Variants in IQCM observed in about 807,000 individuals in gnomAD.
IQCM encodes the protein IQ domain-containing protein M.
A neutral mutation model predicts 57.6 loss-of-function variants in IQCM; 45 were observed. That is an observed-to-expected ratio of 0.78 (90% CI 0.62 to 1.00). The LOEUF (loss-of-function observed/expected upper bound fraction) is 1.00. Among genes scored for constraint, IQCM ranks in the 50% least tolerant of loss-of-function variants. The pLI, the probability that IQCM is intolerant of heterozygous loss-of-function variation, is 0.00. For missense variants in IQCM, 468 were observed against 511.6 expected, an observed-to-expected ratio of 0.91 and a Z score of 0.82; for synonymous variants, 148 against 158.9, an observed-to-expected ratio of 0.93 and a Z score of 0.51.
At chr4:149,699,370 C>A (rs944445585) in intron 5 of IQCM, among the ~76,000 whole-genome samples, 1 of 151,872 alleles carries the variant, frequency 6.6e-6, no homozygotes, top group Non-Finnish European at 1.5e-5. Flanking sequence ...AAGTAAATAC[C>A]ATGGTCAGAA....
At chr4:149,373,422 C>T (rs1730497437) in intron 13 of IQCM, among the ~76,000 whole-genome samples, 1 of 152,158 alleles carries the variant, frequency 6.6e-6, no homozygotes, top group East Asian at 1.9e-4. Flanking sequence ...TCTCATTTAA[C>T]CTTGACACTA....
At chr4:149,544,953 CAG>C (rs1005254412) in intron 12 of IQCM, among the ~76,000 whole-genome samples, 5 of 152,064 alleles carry the variant, frequency 3.3e-5, no homozygotes, top group African/African-American at 1.2e-4. Flanking sequence ...TAGAAGAAAA[CAG>C]GGGAAAAACA....
intron 9 of IQCM, among the ~76,000 whole-genome samples, chr4:149,575,286 T>A (rs928879092): frequency 6.6e-6 from 1 of 151,828 alleles, no homozygotes; most frequent in Non-Finnish European, 1.5e-5. Flanking sequence ...TCAGCATGGG[T>A]GATATAGATT....
At chr4:149,759,915 C>T (rs1005569159) in intron 2 of IQCM, among the ~76,000 whole-genome samples, 5 of 151,312 alleles carry the variant, frequency 3.3e-5, no homozygotes, top group African/African-American at 9.7e-5. Context: ...GAATAGAAAA[C>T]AACTGCAAAA....
At chr4:149,454,193 C>T (rs573745022) in intron 12 of IQCM, among the ~76,000 whole-genome samples, 188 of 146,736 alleles carry the variant, frequency 1.3e-3, no homozygotes, top group African/African-American at 4.2e-3. Context: ...CACACACACA[C>T]ACATATAAAC....
chr4:149,661,234 T>A (rs1437559746), intron 7 of IQCM, among the ~76,000 whole-genome samples: 1 of 152,134 alleles, frequency 6.6e-6, no homozygotes, highest in Non-Finnish European at 1.5e-5. Context: ...TTTGTTTTCC[T>A]TTCTGTTAAT....
intron 12 of IQCM, among the ~76,000 whole-genome samples, chr4:149,513,766 G>C (rs892846508): frequency 6.6e-6 from 1 of 152,130 alleles, no homozygotes; most frequent in East Asian, 1.9e-4. Flanking sequence ...ATCAGTTAAG[G>C]TAAGTGGATT....
At chr4:149,508,207 G>A (rs747065940) in intron 12 of IQCM, among the ~76,000 whole-genome samples, 12 of 152,080 alleles carry the variant, frequency 7.9e-5, no homozygotes, top group Non-Finnish European at 1.5e-4. Flanking sequence ...AAGGAAATGT[G>A]GGGTCAGAGC....
chr4:149,810,953 G>T (rs1774515700), intron 2 of IQCM, among the ~76,000 whole-genome samples: 1 of 152,048 alleles, frequency 6.6e-6, no homozygotes, highest in Non-Finnish European at 1.5e-5. Context: ...AGTAGTAGGT[G>T]GTGCCTGAAC....
At chr4:149,442,257 A>G (rs558103294) in intron 12 of IQCM, among the ~76,000 whole-genome samples, 1 of 152,072 alleles carries the variant, frequency 6.6e-6, no homozygotes, top group Non-Finnish European at 1.5e-5. Context: ...GTCCCTCTAG[A>G]ATATGCTTTC....
intron 2 of IQCM, among the ~76,000 whole-genome samples, chr4:149,774,283 A>G (rs991617427): frequency 6.6e-6 from 1 of 152,180 alleles, no homozygotes; most frequent in African/African-American, 2.4e-5. Flanking sequence ...AAGTATATAC[A>G]CGCTGGTCCT....
intron 2 of IQCM, among the ~76,000 whole-genome samples, chr4:149,767,439 A>G (rs1770163847): frequency 6.6e-6 from 1 of 152,092 alleles, no homozygotes; most frequent in Admixed American, 6.6e-5. Flanking sequence ...TATGTTCACA[A>G]TATGTAATTT....
At chr4:149,667,471 G>A (rs563550961) in intron 7 of IQCM, among the ~76,000 whole-genome samples, 2 of 152,182 alleles carry the variant, frequency 1.3e-5, no homozygotes, top group East Asian at 3.9e-4. Context: ...ATGAAGATGA[G>A]AAAACCAGCA....
At position 149,563,804 on chromosome 4, in the gene IQCM, C is replaced by T. The variant is rs1468723026; in HGVS notation, c.836G>A (p.Arg279Gln). 30 of 1,231,726 alleles carry T rather than the reference C, an allele frequency of 2.4e-5. No homozygotes were observed. The highest frequency in any genetic ancestry group is 4.2e-5 in the Admixed American group (1 of 23,662). The allele number at this position is 1,231,726 out of a possible 1,614,324, so 76.3% of individuals were successfully genotyped here. The change falls in exon 10 of 14, where the codon CGA becomes CAA. Residue 279 changes from arginine to glutamine, a missense_variant. Arg to Gln is a conservative substitution (Grantham distance 43). Coordinates refer to ENST00000636793, the MANE Select transcript of IQCM (RefSeq NM_001363507.2). ...GGTAATCATGAATTTTTTTCTTTCTCGGAACACTTGGAAGATTTCTATGTG... is the reference window on the plus strand; with the variant it reads ...GGTAATCATGAATTTTTTTCTTTCTTGGAACACTTGGAAGATTTCTATGTG... Reference protein sequence around the residue: ...GPHIEIFQVFRERKKFMITPK... With the variant: ...GPHIEIFQVFQERKKFMITPK...
intron 5 of IQCM, among the ~76,000 whole-genome samples, chr4:149,695,410 G>A (rs891734629): frequency 6.6e-5 from 10 of 152,076 alleles, no homozygotes; most frequent in Non-Finnish European, 1.2e-4. Flanking sequence ...TTTAAAACGA[G>A]GAATGAAATG....
At position 149,706,941 on chromosome 4, in the gene IQCM, T is replaced by C. The variant is rs1337180172; in HGVS notation, c.386-20473A>G. 2.6e-5 allele frequency among the ~76,000 whole-genome samples: 4 copies of C among 152,046 alleles called. No individual in the cohort carries two copies. In the East Asian group the frequency reaches 7.7e-4, roughly 29 times the overall value. ...ACAGGCAATTTCATTGTTTTGAGTC[T>C]ATTTCCTAGAATTTTGTGAAAGGCC... On this transcript the variant is annotated intron_variant, in intron 5 of 13. Transcript: ENST00000636793.
chr4:149,450,251 A>G (rs1736966218), intron 12 of IQCM, among the ~76,000 whole-genome samples: 1 of 151,900 alleles, frequency 6.6e-6, no homozygotes. Flanking sequence ...CAAACTGTGA[A>G]ACTACTACCA....
chr4:149,427,885 CA>C (rs899036711), intron 13 of IQCM, among the ~76,000 whole-genome samples: 8 of 151,818 alleles, frequency 5.3e-5, no homozygotes, highest in African/African-American at 1.7e-4. Flanking sequence ...AGGATATACC[CA>C]AACAACTTTT....
intron 12 of IQCM, among the ~76,000 whole-genome samples, chr4:149,488,721 C>T (rs530985431): frequency 5.9e-5 from 9 of 152,076 alleles, no homozygotes; most frequent in African/African-American, 2.2e-4. Context: ...CTGAGGATAA[C>T]TTTAATTTGG....
Sources: gnomAD v4.1 joint callset for allele counts (sites outside exome capture counted in the v4.1 genomes callset) on GRCh38, gnomAD v4.1.1 for gene constraint, MANE v1.5 for transcripts, NCBI Gene and HGNC (gene_info 2026-07-23, HGNC 2026-07-21) for gene names.